LINGO2: variants seen among roughly 807,000 people sequenced by gnomAD.
The protein encoded by LINGO2 is leucine-rich repeat and immunoglobulin-like domain-containing nogo receptor-interacting protein 2.
Under a neutral mutation model 30.6 loss-of-function variants are expected in LINGO2, and 14 were observed. The observed-to-expected ratio is 0.46, with a 90% CI of 0.30 to 0.72. LINGO2 has a LOEUF of 0.72. Among genes scored for constraint, LINGO2 ranks in the 30% least tolerant of loss-of-function variants. The pLI is 0.07. For missense variants in LINGO2, 729 were observed against 751.7 expected (o/e 0.97, Z 0.35); for synonymous variants, 317 against 288.5 (o/e 1.10, Z -1.00).
At chr9:28,859,477 T>G in the LINGO2 span, among the ~76,000 whole-genome samples, 2 of 152,052 alleles carry the variant, frequency 1.3e-5, no homozygotes, top group Non-Finnish European at 2.9e-5. Flanking sequence ...AAACTCAGAT[T>G]CCTCATAGAC....
the LINGO2 span, among the ~76,000 whole-genome samples, chr9:28,915,035 G>A: frequency 6.6e-6 from 1 of 152,074 alleles, no homozygotes; most frequent in African/African-American, 2.4e-5. Flanking sequence ...GGGAGGCTGA[G>A]GCAGGAGAAT....
At chr9:28,182,014 TAAA>T (rs1276524438) in intron 4 of LINGO2, among the ~76,000 whole-genome samples, 3 of 150,514 alleles carry the variant, frequency 2.0e-5, no homozygotes, top group Non-Finnish European at 4.4e-5. Context: ...AAGACAACCC[TAAA>T]AAAAAAGAAC....
chr9:28,213,150 T>C (rs1292325914), intron 4 of LINGO2, among the ~76,000 whole-genome samples: 1 of 151,536 alleles, frequency 6.6e-6, no homozygotes, highest in African/African-American at 2.4e-5. Context: ...TTCAACAGAT[T>C]CTACTCTTGG....
At chr9:29,181,504 A>C in the LINGO2 span, among the ~76,000 whole-genome samples, 1 of 152,324 alleles carries the variant, frequency 6.6e-6, no homozygotes, top group East Asian at 1.9e-4. Context: ...TGAAAAGTAT[A>C]AATATCAGTC....
chr9:29,056,655 T>C, the LINGO2 span, among the ~76,000 whole-genome samples: 2 of 152,168 alleles, frequency 1.3e-5, no homozygotes, highest in East Asian at 1.9e-4. Context: ...GGTCATGAAG[T>C]TCTGCCGACG....
At chr9:28,891,792 T>C in the LINGO2 span, among the ~76,000 whole-genome samples, 1 of 151,874 alleles carries the variant, frequency 6.6e-6, no homozygotes, top group Non-Finnish European at 1.5e-5. Context: ...GAGGTCACAA[T>C]AAAGAAAATG....
chr9:28,642,215 T>C (rs1394381065), intron 1 of LINGO2, among the ~76,000 whole-genome samples: 2 of 152,080 alleles, frequency 1.3e-5, no homozygotes, highest in Admixed American at 1.3e-4. Flanking sequence ...AGTTTCCCTT[T>C]TGAAAAAGTG....
At chr9:28,868,049 A>C in the LINGO2 span, among the ~76,000 whole-genome samples, 1 of 152,140 alleles carries the variant, frequency 6.6e-6, no homozygotes, top group Non-Finnish European at 1.5e-5. Context: ...ATACAAAAAT[A>C]GATAATATCT....
the LINGO2 span, among the ~76,000 whole-genome samples, chr9:28,722,678 T>C: frequency 3.3e-5 from 5 of 152,132 alleles, no homozygotes; most frequent in Admixed American, 1.3e-4. Context: ...TTTATTTCTC[T>C]GTCTTTTGAA....
At chr9:28,218,204 C>G (rs1381271473) in intron 4 of LINGO2, among the ~76,000 whole-genome samples, 1 of 150,246 alleles carries the variant, frequency 6.7e-6, no homozygotes, top group African/African-American at 2.4e-5. Flanking sequence ...CAAATAATAT[C>G]AAACAATAAT....
chr9:28,047,182 C>G (rs1329880701), intron 4 of LINGO2, among the ~76,000 whole-genome samples: 1 of 152,204 alleles, frequency 6.6e-6, no homozygotes, highest in South Asian at 2.1e-4. Flanking sequence ...AGATGTACTT[C>G]GTCTTTCGGC....
At chr9:28,072,977 T>C (rs1563958751) in intron 4 of LINGO2, among the ~76,000 whole-genome samples, 1 of 152,060 alleles carries the variant, frequency 6.6e-6, no homozygotes, top group East Asian at 1.9e-4. Context: ...TGGTTTGATA[T>C]CCGCTTAAGC....
intron 5 of LINGO2, among the ~76,000 whole-genome samples, chr9:27,961,341 A>G (rs1438664523): frequency 2.0e-5 from 3 of 152,190 alleles, no homozygotes; most frequent in Non-Finnish European, 4.4e-5. Context: ...AATTGCTTCA[A>G]GTAAAATATA....
chr9:28,594,798 A>T (rs969609022), intron 1 of LINGO2, among the ~76,000 whole-genome samples: 1 of 152,040 alleles, frequency 6.6e-6, no homozygotes, highest in Non-Finnish European at 1.5e-5. Context: ...TTTATATCCT[A>T]TTTCAAAAAC....
chr9:28,394,995 C>G (rs1008285475), intron 2 of LINGO2, among the ~76,000 whole-genome samples: 8 of 152,212 alleles, frequency 5.3e-5, no homozygotes, highest in Non-Finnish European at 1.2e-4. Context: ...GGCCATTGCT[C>G]TCACATTCAT....
At position 28,245,530 on chromosome 9, in the gene LINGO2, C is replaced by T. The variant is rs140061828; in HGVS notation, c.-87+49678G>A. Among the ~76,000 whole-genome samples the T allele has an allele frequency of 1.4e-3, 220 of 152,246 alleles. 4 individuals carry two copies. In the East Asian group the frequency reaches 0.027, roughly 19 times the overall value. On this transcript the variant is annotated intron_variant, in intron 4 of 5. Transcript: ENST00000379992. ...TCAAACTGTCTCTGTTTGCAGATGA[C>T]GTGATCCTACACCTAGAGAACCCCA...
chr9:29,123,725 TAACTC>T, the LINGO2 span, among the ~76,000 whole-genome samples: 1 of 152,090 alleles, frequency 6.6e-6, no homozygotes, highest in Non-Finnish European at 1.5e-5. Context: ...TCGTAGCAGT[TAACTC>T]AAATACACTA....
chr9:29,187,780 ATTT>A, the LINGO2 span, among the ~76,000 whole-genome samples: 48 of 118,826 alleles, frequency 4.0e-4, no homozygotes, highest in African/African-American at 1.4e-3. Flanking sequence ...ATACATTTCA[ATTT>A]TTTTTTTTTT....
chr9:28,428,823 C>G lies in LINGO2; in HGVS notation c.-279+47117G>C, dbSNP rs16913013. 6.5e-3 allele frequency among the ~76,000 whole-genome samples: 990 copies of G among 152,164 alleles called. 43 individuals are homozygous for G. The East Asian group carries it at 0.093, about 14-fold the overall frequency. On this transcript the variant is annotated intron_variant, in intron 2 of 5. Coordinates refer to ENST00000379992, the Ensembl canonical transcript of LINGO2. ...AATTTTTCAAGGATGGGTTTTCTCA[C>G]CTGCATAATAATGAAATTAATATCT...
Sources: allele counts gnomAD v4.1 joint callset (sites outside exome capture counted in the v4.1 genomes callset), GRCh38; gene constraint gnomAD v4.1.1; transcripts MANE v1.5; gene names NCBI Gene and HGNC (gene_info 2026-07-23, HGNC 2026-07-21).